The following PACRG variants were observed in gnomAD, a reference collection of about 807,000 sequenced individuals.
The protein encoded by PACRG is parkin coregulated gene protein.
PACRG carries 29 observed loss-of-function variants against 29.7 expected under a neutral mutation model. The ratio of observed to expected loss-of-function variants is 0.98; its 90% CI spans 0.73 to 1.33. The LOEUF (loss-of-function observed/expected upper bound fraction) is 1.33. Ranked by LOEUF, PACRG falls within the 40% of genes most tolerant of loss-of-function variation. The pLI, the probability that PACRG is intolerant of heterozygous loss-of-function variation, is 0.00. For synonymous variants in PACRG, 116 were observed against 118.7 expected (o/e 0.98, Z 0.15); for missense variants, 279 against 316.2 (o/e 0.88, Z 0.89).
chr6:163,021,162 G>A (rs961661716), intron 2 of PACRG, among the ~76,000 whole-genome samples: 7 of 152,060 alleles, frequency 4.6e-5, no homozygotes, highest in African/African-American at 1.2e-4. Flanking sequence ...GACACCTCCC[G>A]GGCACCAGCA....
chr6:162,787,458 C>G (rs776333988), intron 1 of PACRG, among the ~76,000 whole-genome samples: 2 of 149,208 alleles, frequency 1.3e-5, no homozygotes, highest in Admixed American at 6.7e-5. Flanking sequence ...CATGATAACT[C>G]TATTATGTAT....
chr6:163,289,579 T>C (rs1784512900), intron 4 of PACRG, among the ~76,000 whole-genome samples: 2 of 152,212 alleles, frequency 1.3e-5, no homozygotes, highest in African/African-American at 4.8e-5. Flanking sequence ...TGCAATGTCA[T>C]TCTATTAATA....
intron 2 of PACRG, among the ~76,000 whole-genome samples, chr6:162,958,904 G>T (rs868485455): frequency 3.5e-4 from 36 of 102,588 alleles, no homozygotes; most frequent in African/African-American, 1.1e-3. Context: ...GAGAGAGAGA[G>T]AGAGAGAGAG....
intron 1 of PACRG, among the ~76,000 whole-genome samples, chr6:162,737,986 A>G (rs1170825553): frequency 6.6e-6 from 1 of 152,260 alleles, no homozygotes; most frequent in African/African-American, 2.4e-5. Flanking sequence ...AAATCTACAA[A>G]TAAATATAGA....
Position 162,988,233 on chromosome 6 carries a change from G to A in PACRG, c.292-73917G>A, listed in dbSNP as rs144536861. Reference sequence around the variant, plus strand: ...GCCATCTTCCTCTCTGAGTCCAGGAGCAATTACTTTTAAATTGAGGAAGAA... The same window carrying A: ...GCCATCTTCCTCTCTGAGTCCAGGAACAATTACTTTTAAATTGAGGAAGAA... On this transcript the variant is annotated intron_variant, in intron 2 of 4. Transcript: ENST00000366888. Among the ~76,000 whole-genome samples the A allele has an allele frequency of 3.6e-3, 543 of 152,278 alleles. 1 individual carries two copies. The highest frequency in any genetic ancestry group is 6.2e-3 in the Non-Finnish European group (422 of 68,026).
intron 4 of PACRG, among the ~76,000 whole-genome samples, chr6:163,205,420 A>C (rs1219804989): frequency 6.6e-6 from 1 of 152,168 alleles, no homozygotes; most frequent in Non-Finnish European, 1.5e-5. Context: ...GCACACCTAC[A>C]ACCATCTGAT....
In PACRG at chr6:162,940,109, A is replaced by G. The variant is rs1382483091; in HGVS notation, c.292-122041A>G. On this transcript the variant is annotated intron_variant, in intron 2 of 4. Coordinates refer to ENST00000366888, the MANE Select transcript of PACRG (RefSeq NM_001080379.2). ...GAGCCATGGACTATTATAGTCATAA[A>G]GAAACATCAAGAGCAACTTTTTCAA... Among the ~76,000 whole-genome samples the G allele has an allele frequency of 2.0e-5, 3 of 152,340 alleles. No individual in the cohort carries two copies. The East Asian group carries it at 5.8e-4, about 29-fold the overall frequency.
intron 2 of PACRG, among the ~76,000 whole-genome samples, chr6:162,960,774 G>T (rs1800545120): frequency 6.6e-6 from 1 of 152,144 alleles, no homozygotes; most frequent in African/African-American, 2.4e-5. Flanking sequence ...TAATTTAAAA[G>T]GATATTGCTT....
At position 162,804,869 on chromosome 6, in the gene PACRG, C is replaced by T. The variant is rs563196718; in HGVS notation, c.157-9278C>T. 4.6e-5 allele frequency among the ~76,000 whole-genome samples: 7 copies of T among 152,222 alleles called. No homozygotes were observed. In the South Asian group the frequency reaches 6.2e-4, roughly 14 times the overall value. On this transcript the variant is annotated intron_variant, in intron 1 of 4. Coordinates refer to ENST00000366888, the MANE Select transcript of PACRG (RefSeq NM_001080379.2). The stretch of plus-strand genomic sequence containing the variant: ...CCTTAAATGTGGGGATCCATTCATG[C>T]GTTGTTAGGCAATTTCATCATTGCA...
chr6:162,914,153 T>C (rs540659537), intron 2 of PACRG, among the ~76,000 whole-genome samples: 7 of 152,282 alleles, frequency 4.6e-5, no homozygotes, highest in Non-Finnish European at 8.8e-5. Flanking sequence ...CTCCAAGATC[T>C]CCTATGCTTT....
chr6:163,174,272 G>T (rs1585295711), intron 4 of PACRG, among the ~76,000 whole-genome samples: 1 of 152,172 alleles, frequency 6.6e-6, no homozygotes, highest in African/African-American at 2.4e-5. Context: ...TTATGAATTT[G>T]TTTTGGGCCA....
chr6:163,008,140 TTA>T (rs1805289965), intron 2 of PACRG, among the ~76,000 whole-genome samples: 1 of 152,090 alleles, frequency 6.6e-6, no homozygotes, highest in African/African-American at 2.4e-5. Context: ...TTTTATCCTT[TTA>T]GAGTCCAAGT....
chr6:162,917,688 A>G (rs553293941), intron 2 of PACRG, among the ~76,000 whole-genome samples: 12 of 152,226 alleles, frequency 7.9e-5, no homozygotes, highest in African/African-American at 2.4e-4. Context: ...CCAGGTTGAC[A>G]TCTGGCTTTT....
chr6:162,964,698 A>G (rs573611579), intron 2 of PACRG, among the ~76,000 whole-genome samples: 13 of 152,306 alleles, frequency 8.5e-5, no homozygotes, highest in African/African-American at 3.1e-4. Flanking sequence ...TGCCTTATGC[A>G]GGAAAGTAAC....
intron 4 of PACRG, among the ~76,000 whole-genome samples, chr6:163,113,745 C>G (rs1355783015): frequency 6.6e-6 from 1 of 152,024 alleles, no homozygotes; most frequent in Admixed American, 6.5e-5. Context: ...ACCCACCCTG[C>G]AGAAAACACT....
chr6:162,884,540 C>T (rs1270734535), intron 2 of PACRG, among the ~76,000 whole-genome samples: 2 of 152,052 alleles, frequency 1.3e-5, no homozygotes, highest in African/African-American at 4.8e-5. Context: ...GATATTATCT[C>T]AACTATTTTT....
intron 2 of PACRG, among the ~76,000 whole-genome samples, chr6:162,929,052 A>G (rs564243737): frequency 3.7e-4 from 56 of 152,164 alleles, no homozygotes; most frequent in Admixed American, 3.0e-3. Flanking sequence ...TTGTTTGCCT[A>G]TTGTGAATAG....
At chr6:163,068,441 A>G (rs1811745753) in intron 3 of PACRG, among the ~76,000 whole-genome samples, 4 of 147,606 alleles carry the variant, frequency 2.7e-5, no homozygotes, top group South Asian at 2.1e-4. Flanking sequence ...TTGAATCTTT[A>G]TCTCTGGTGA....
intron 2 of PACRG, among the ~76,000 whole-genome samples, chr6:162,975,885 C>T (rs1801911736): frequency 2.0e-5 from 3 of 151,900 alleles, no homozygotes; most frequent in East Asian, 1.9e-4. Flanking sequence ...TCCTACCATA[C>T]CGAGTACTGC....
Sources: allele counts gnomAD v4.1 joint callset (sites outside exome capture counted in the v4.1 genomes callset), GRCh38; gene constraint gnomAD v4.1.1; transcripts MANE v1.5; gene names NCBI Gene and HGNC (gene_info 2026-07-23, HGNC 2026-07-21).